The following PKD1L1 variants were observed in gnomAD, a reference collection of about 807,000 sequenced individuals.
PKD1L1 encodes the protein polycystin 1 like 1, transient receptor potential channel interacting.
In PKD1L1, 236 loss-of-function variants were observed where a neutral mutation model predicts 323.4. The observed-to-expected ratio is 0.73, with a 90% CI of 0.66 to 0.81. PKD1L1 has a LOEUF of 0.81. PKD1L1 is among the 40% of genes least tolerant of loss of function. The pLI, the probability that PKD1L1 is intolerant of heterozygous loss-of-function variation, is 0.00. For synonymous variants in PKD1L1, 1,344 were observed against 1,335.0 expected (o/e 1.01, Z -0.15); for missense variants, 3,320 against 3,508.0 (o/e 0.95, Z 1.35).
At chr7:47,777,107 GC>G (rs757021297) in intron 56 of PKD1L1, among the ~76,000 whole-genome samples, 1 of 152,116 alleles carries the variant, frequency 6.6e-6, no homozygotes, top group Non-Finnish European at 1.5e-5. Flanking sequence ...GGCCAGGCCG[GC>G]CTGGAAATCC....
At chr7:47,871,671 CAT>C (rs746318255) in intron 24 of PKD1L1, among the ~76,000 whole-genome samples, 140 of 150,744 alleles carry the variant, frequency 9.3e-4, no homozygotes, top group Non-Finnish European at 1.6e-3. Flanking sequence ...GGACAAAAAA[CAT>C]ATAATTGTCT....
chr7:47,943,798 C>T (rs764731505), intron 1 of PKD1L1, among the ~76,000 whole-genome samples: 1 of 152,194 alleles, frequency 6.6e-6, no homozygotes, highest in Non-Finnish European at 1.5e-5. Flanking sequence ...CCAGGGCTTC[C>T]TGCCCAGATG....
intron 16 of PKD1L1, among the ~76,000 whole-genome samples, chr7:47,888,846 C>T (rs556621985): frequency 6.6e-6 from 1 of 152,228 alleles, no homozygotes; most frequent in South Asian, 2.1e-4. Context: ...TTCATAATAT[C>T]TCGGGGGTGG....
intron 12 of PKD1L1, 53 bp from the exon 13 acceptor site, chr7:47,902,564 G>T: frequency 6.3e-7 from 1 of 1,586,034 alleles, no homozygotes; most frequent in Non-Finnish European, 8.6e-7. Context: ...TGAACGTCAG[G>T]CTTTCATTCA....
In PKD1L1 at chr7:47,905,850, C is replaced by T; in HGVS notation, c.1515G>A (p.Lys505=). 6.2e-7 allele frequency: 1 copy of T among 1,612,680 alleles called. No individual in the cohort carries two copies. Among genetic ancestry groups the T allele is most frequent in the South Asian group, 1.1e-5 (1 of 90,748 alleles). Residue 505 remains lysine (K), a synonymous_variant, in exon 10 of 57, where the codon AAG becomes AAA. Transcript: ENST00000289672. ...QAWHSMTVWY[K]MQSVSVYTNG... ...ATTAAAACAAAGACATACATTGCAT[C>T]TTATACCAGACAGTCATGCTGTGCC... is the stretch of plus-strand genomic sequence containing the variant.
the PKD1L1 span, among the ~76,000 whole-genome samples, chr7:47,956,063 C>G: frequency 2.6e-5 from 4 of 152,176 alleles, no homozygotes; most frequent in African/African-American, 4.8e-5. Context: ...CACATAATTT[C>G]AACTAGCAAA....
chr7:47,797,548 T>C (rs115945369), intron 54 of PKD1L1, among the ~76,000 whole-genome samples: 4 of 152,200 alleles, frequency 2.6e-5, no homozygotes, highest in Admixed American at 2.0e-4. Context: ...AAGACCTGAC[T>C]CTTCCACCCA....
At chr7:47,824,451 A>G (rs752534334) in intron 45 of PKD1L1, among the ~76,000 whole-genome samples, 27 of 152,178 alleles carry the variant, frequency 1.8e-4, no homozygotes, top group Non-Finnish European at 3.1e-4. Flanking sequence ...AAAGATACTA[A>G]CGCTCCACTA....
rs1173424507 is a variant in PKD1L1, at chr7:47,904,251, G to C, written c.1931+127C>G. On this transcript the variant is annotated intron_variant, in intron 12 of 56. Coordinates refer to ENST00000289672, the MANE Select transcript of PKD1L1 (RefSeq NM_138295.5). ...GCATGGTCAGGTCTTATTTGTCTCT[G>C]TGTAATCATCTGTCACCTACGTTGA... 8.5e-6 allele frequency: 11 copies of C among 1,297,832 alleles called. No homozygotes were observed. In the East Asian group the frequency reaches 2.7e-4, roughly 32 times the overall value. The allele number at this position is 1,297,832 out of a possible 1,614,324, so 80.4% of individuals were successfully genotyped here. A position where few individuals can be genotyped will look rare whatever the true frequency, so the allele number is the denominator to read the frequency against.
intron 13 of PKD1L1, 24 bp from the exon 14 acceptor site, chr7:47,898,218 T>C: frequency 6.3e-7 from 1 of 1,591,998 alleles, no homozygotes; most frequent in Non-Finnish European, 8.6e-7. Context: ...AGAGAAGATG[T>C]CTCATTAAAA....
intron 51 of PKD1L1, chr7:47,809,048 T>A (rs7808396): frequency 0.73 from 113,117 of 155,862 alleles, 41,167 homozygotes; most frequent in Middle Eastern, 0.74. Flanking sequence ...ACTGTACAGC[T>A]GTACAAAAAA....
rs1784649237 is a variant in PKD1L1, at chr7:47,800,953, T to C, written c.7963-74A>G. Reference sequence around the variant, plus strand: ...GAGTGGAAGACTCAACTTCCAAATGTTGAAAATAGAGACAAACTTGGAGGG... The same window carrying C: ...GAGTGGAAGACTCAACTTCCAAATGCTGAAAATAGAGACAAACTTGGAGGG... On this transcript the variant is annotated intron_variant, in intron 53 of 56. Transcript: ENST00000289672. 8.8e-6 allele frequency: 12 copies of C among 1,367,396 alleles called. No individual in the cohort carries two copies. The East Asian group carries it at 2.6e-4, about 29-fold the overall frequency. The allele number at this position is 1,367,396 out of a possible 1,614,324, so 84.7% of individuals were successfully genotyped here. A position where few individuals can be genotyped will look rare whatever the true frequency, so the allele number is the denominator to read the frequency against.
At chr7:47,933,538 G>A (rs536563505) in intron 4 of PKD1L1, among the ~76,000 whole-genome samples, 42 of 152,044 alleles carry the variant, frequency 2.8e-4, no homozygotes, top group Non-Finnish European at 4.7e-4. Flanking sequence ...CAAATCCAAC[G>A]CAACGTCCTG....
At chr7:47,818,087 A>G in intron 46 of PKD1L1, 1 of 1,367,862 alleles carries the variant, frequency 7.3e-7, no homozygotes, top group Non-Finnish European at 9.8e-7. Flanking sequence ...CAAACTATCA[A>G]ATGCAGAGCA....
chr7:47,953,904 G>A, the PKD1L1 span, among the ~76,000 whole-genome samples: 2 of 152,208 alleles, frequency 1.3e-5, no homozygotes, highest in Admixed American at 6.5e-5. Flanking sequence ...TCTCACTTCT[G>A]TCTGGTCATG....
At chr7:47,935,201 A>G (rs1787845563) in intron 4 of PKD1L1, among the ~76,000 whole-genome samples, 1 of 152,214 alleles carries the variant, frequency 6.6e-6, no homozygotes, top group Non-Finnish European at 1.5e-5. Flanking sequence ...AAGCTGCGAA[A>G]TTCTTCATTG....
intron 5 of PKD1L1, among the ~76,000 whole-genome samples, 198 bp from the exon 6 acceptor site, chr7:47,931,519 A>G (rs377302127): frequency 6.6e-6 from 1 of 152,240 alleles, no homozygotes; most frequent in South Asian, 2.1e-4. Flanking sequence ...ACTTTCCAGC[A>G]TACTAGCCAA....
intron 56 of PKD1L1, among the ~76,000 whole-genome samples, chr7:47,784,322 T>C (rs1214489765): frequency 6.6e-6 from 1 of 152,264 alleles, no homozygotes; most frequent in East Asian, 1.9e-4. Flanking sequence ...TTAAATTTAA[T>C]TAGCTTTTCT....
At chr7:47,911,384 C>A (rs542962077) in intron 8 of PKD1L1, among the ~76,000 whole-genome samples, 1 of 152,326 alleles carries the variant, frequency 6.6e-6, no homozygotes, top group East Asian at 1.9e-4. Flanking sequence ...AATTAAGCTT[C>A]TTTTCTTTAT....
Sources: allele counts gnomAD v4.1 joint callset (sites outside exome capture counted in the v4.1 genomes callset), GRCh38; gene constraint gnomAD v4.1.1; transcripts MANE v1.5; gene names NCBI Gene and HGNC (gene_info 2026-07-23, HGNC 2026-07-21).